The following SULT4A1 variants were observed in gnomAD, a reference collection of about 807,000 sequenced individuals.
SULT4A1 encodes the protein sulfotransferase 4A1.
A neutral mutation model predicts 35.2 loss-of-function variants in SULT4A1; 11 were observed. The ratio of observed to expected loss-of-function variants is 0.31; its 90% CI spans 0.20 to 0.52. The LOEUF is 0.52. Ranked by LOEUF, SULT4A1 falls within the 20% of genes least tolerant of loss-of-function variation. SULT4A1 has a pLI of 0.97. For synonymous variants in SULT4A1, 152 were observed against 151.8 expected (o/e 1.00, Z -0.01); for missense variants, 271 against 383.7 (o/e 0.71, Z 2.45).
chr22:43,840,141 G>T (rs2148288712), intron 2 of SULT4A1, 116 bp from the exon 3 acceptor site: 1 of 762,294 alleles, frequency 1.3e-6, no homozygotes, highest in Non-Finnish European at 2.1e-6. Flanking sequence ...CAGGGGAAGT[G>T]GAGTTATCAG....
intron 1 of SULT4A1, among the ~76,000 whole-genome samples, chr22:43,857,556 A>G (rs1412691613): frequency 6.6e-6 from 1 of 152,196 alleles, no homozygotes; most frequent in Non-Finnish European, 1.5e-5. Flanking sequence ...TTCCAAAATA[A>G]TGAAAAGCAT....
At position 43,825,323 on chromosome 22, in the gene SULT4A1, C is replaced by A. The variant is rs1006203928; in HGVS notation, c.*678G>T. 1 of 152,272 alleles carries A rather than the reference C, an allele frequency of 6.6e-6. No homozygotes were observed. The highest frequency in any genetic ancestry group is 2.4e-5 in the African/African-American group (1 of 41,452). 9.4% of individuals were successfully genotyped at this position (152,272 alleles called of 1,614,324 possible). A position where few individuals can be genotyped will look rare whatever the true frequency, so the allele number is the denominator to read the frequency against. On this transcript the variant is annotated 3_prime_UTR_variant, in exon 7 of 7. Coordinates refer to ENST00000330884, the MANE Select transcript of SULT4A1 (RefSeq NM_014351.4). Reference sequence around the variant, plus strand: ...CTCAGCACATGCTCCGCGGGCTCCTCTGCATTGGGCCTTTGGAGCCGCCCG... The same window carrying A: ...CTCAGCACATGCTCCGCGGGCTCCTATGCATTGGGCCTTTGGAGCCGCCCG...
chr22:43,831,270 A>G (rs1443837109), intron 5 of SULT4A1, among the ~76,000 whole-genome samples: 1 of 120,020 alleles, frequency 8.3e-6, no homozygotes, highest in Non-Finnish European at 1.9e-5. Context: ...CTGAAGCTCC[A>G]GGAAGAAACT....
chr22:43,836,751 G>A (rs536759986), intron 4 of SULT4A1, among the ~76,000 whole-genome samples: 19 of 150,304 alleles, frequency 1.3e-4, no homozygotes, highest in African/African-American at 4.7e-4. Context: ...AGGTGCCACA[G>A]GGACCCTGTC....
At chr22:43,832,253 G>A (rs575031669) in intron 5 of SULT4A1, among the ~76,000 whole-genome samples, 2 of 152,304 alleles carry the variant, frequency 1.3e-5, no homozygotes, top group East Asian at 3.9e-4. Context: ...AGGCAGACAG[G>A]TGGAGGCCCA....
rs77333743 is a variant in SULT4A1 at position 43,831,996 on chromosome 22, C to T, written c.603+1644G>A. Among the ~76,000 whole-genome samples the T allele has an allele frequency of 2.2e-3, 341 of 152,332 alleles. 4 individuals are homozygous for T. The highest frequency in any genetic ancestry group is 8.0e-3 in the African/African-American group (332 of 41,572). The stretch of plus-strand genomic sequence containing the variant: ...CACAGTCCTCCCAGCCACACAGTGA[C>T]GGGGGTGCTGTCACCTCCCCACTTT... On this transcript the variant is annotated intron_variant, in intron 5 of 6. Transcript: ENST00000330884.
At chr22:43,847,155 G>T (rs1276791316) in intron 1 of SULT4A1, among the ~76,000 whole-genome samples, 4 of 151,976 alleles carry the variant, frequency 2.6e-5, no homozygotes, top group African/African-American at 9.7e-5. Flanking sequence ...GCTTCCAGGA[G>T]AATTCAACAG....
At chr22:43,835,486 G>T (rs902382206) in intron 4 of SULT4A1, among the ~76,000 whole-genome samples, 9 of 152,182 alleles carry the variant, frequency 5.9e-5, no homozygotes, top group Non-Finnish European at 1.3e-4. Context: ...GGATTCCCAC[G>T]GAGGAGCTGC....
chr22:43,832,756 G>A lies in SULT4A1; in HGVS notation c.603+884C>T, dbSNP rs1056946670. ...GGCTCTGTTCACAGCCAGGTCTGGC[G>A]TCTTCCTGCAGGTGTGGGGAAAGTA... On this transcript the variant is annotated intron_variant, in intron 5 of 6. Coordinates refer to ENST00000330884, the MANE Select transcript of SULT4A1 (RefSeq NM_014351.4). 7.9e-5 allele frequency among the ~76,000 whole-genome samples: 12 copies of A among 152,276 alleles called. No homozygotes were observed. In the South Asian group the frequency reaches 8.3e-4, roughly 11 times the overall value.
chr22:43,852,032 G>A (rs1264172440), intron 1 of SULT4A1, among the ~76,000 whole-genome samples: 1 of 152,074 alleles, frequency 6.6e-6, no homozygotes, highest in Non-Finnish European at 1.5e-5. Flanking sequence ...TCCCTTTATT[G>A]TCACTTTAGT....
Position 43,825,962 on chromosome 22 carries a change from G to C in SULT4A1, c.*39C>G, listed in dbSNP as rs762823328. The C allele has an allele frequency of 1.9e-6, 3 of 1,591,622 alleles. No homozygotes were observed. Among genetic ancestry groups the C allele is most frequent in the Non-Finnish European group, 1.7e-6 (2 of 1,161,316 alleles). On this transcript the variant is annotated 3_prime_UTR_variant, in exon 7 of 7. Transcript: ENST00000330884. The stretch of plus-strand genomic sequence containing the variant: ...ATACAGGACTTTTGGCTAGTAGACT[G>C]TCTGGGTATTGTGAGCATGCAGGTT...
chr22:43,853,156 C>T (rs919503616), intron 1 of SULT4A1, among the ~76,000 whole-genome samples: 1 of 151,880 alleles, frequency 6.6e-6, no homozygotes, highest in Non-Finnish European at 1.5e-5. Context: ...CACACACAAA[C>T]ACACAACACA....
chr22:43,855,182 A>G (rs1291154172), intron 1 of SULT4A1, among the ~76,000 whole-genome samples: 1 of 152,200 alleles, frequency 6.6e-6, no homozygotes, highest in East Asian at 1.9e-4. Context: ...AGCCAGGCCC[A>G]TTGGAAGGAG....
At chr22:43,827,413 C>G (rs956801682) in intron 6 of SULT4A1, 1 of 1,184,518 alleles carries the variant, frequency 8.4e-7, no homozygotes, top group Non-Finnish European at 1.1e-6. Context: ...TTAATGATAC[C>G]TAAGGGGCAA....
At chr22:43,833,985 G>A (rs2148281004) in intron 4 of SULT4A1, among the ~76,000 whole-genome samples, 1 of 152,332 alleles carries the variant, frequency 6.6e-6, no homozygotes, top group African/African-American at 2.4e-5. Flanking sequence ...GGTCCCTGTG[G>A]TACCTGGCAG....
At chr22:43,858,349 T>C (rs2049427019) in intron 1 of SULT4A1, among the ~76,000 whole-genome samples, 1 of 152,126 alleles carries the variant, frequency 6.6e-6, no homozygotes, top group South Asian at 2.1e-4. Flanking sequence ...CTGCAGGCTT[T>C]TGCCTCCCAG....
intron 4 of SULT4A1, among the ~76,000 whole-genome samples, chr22:43,836,445 C>G (rs112749953): frequency 7.8e-5 from 11 of 140,290 alleles, no homozygotes; most frequent in South Asian, 6.9e-4. Flanking sequence ...ACAGCGTCCT[C>G]ACACTGCAGG....
chr22:43,846,058 G>A (rs1032590187), intron 1 of SULT4A1, among the ~76,000 whole-genome samples: 1 of 152,126 alleles, frequency 6.6e-6, no homozygotes. Context: ...CACTGCCGCC[G>A]TCAGGCAGCT....
At chr22:43,827,615 G>A (rs765333745) in intron 6 of SULT4A1, 2 of 1,366,330 alleles carry the variant, frequency 1.5e-6, no homozygotes, top group Non-Finnish European at 2.0e-6. Flanking sequence ...AACTCAAGAA[G>A]ATCTTCCGAG....
Sources: allele counts gnomAD v4.1 joint callset (sites outside exome capture counted in the v4.1 genomes callset), GRCh38; gene constraint gnomAD v4.1.1; transcripts MANE v1.5; gene names NCBI Gene and HGNC (gene_info 2026-07-23, HGNC 2026-07-21).